Variants in PIK3C2B observed in about 807,000 individuals in gnomAD.
PIK3C2B encodes phosphatidylinositol 4-phosphate 3-kinase C2 domain-containing subunit beta.
In PIK3C2B, 83 loss-of-function variants were observed where a neutral mutation model predicts 184.3. The observed-to-expected ratio is 0.45, with a 90% confidence interval of 0.38 to 0.54. PIK3C2B has a LOEUF of 0.54. Among genes scored for constraint, PIK3C2B ranks in the 20% least tolerant of loss-of-function variants. The probability of loss-of-function intolerance (pLI) is 0.00; values close to 1 mark genes in which losing one functional copy is unlikely to be tolerated. For synonymous variants in PIK3C2B, 779 were observed against 837.6 expected, an observed-to-expected ratio of 0.93 and a Z score of 1.21; for missense variants, 1,736 against 2,113.5, an observed-to-expected ratio of 0.82 and a Z score of 3.50.
Position 204,432,195 on chromosome 1 carries a change from C to T in PIK3C2B, c.4155+5G>A, listed in dbSNP as rs1391803082. ...AAAGGGGGTCAGATTGGAGAAAACA[C>T]TTACATAGCCTTTGTTGGGGTGGAA... On this transcript the variant is annotated splice_donor_5th_base_variant and intron_variant, in intron 27 of 32. Coordinates refer to ENST00000684373, the MANE Select transcript of PIK3C2B (RefSeq NM_001377334.1). 2 of 1,612,896 alleles carry T rather than the reference C, an allele frequency of 1.2e-6. No homozygotes were observed. Among genetic ancestry groups the T allele is most frequent in the African/African-American group, 2.7e-5 (2 of 74,898 alleles).
rs1043683052 is a variant in PIK3C2B at position 204,445,825 on chromosome 1, A to G, written c.2678+131T>C. ...GAGAAAGAAAAAGCAAAAAGGAGAA[A>G]TGGAAAATCCCTGAATATCCACACC... On this transcript the variant is annotated intron_variant, in intron 16 of 32. Transcript: ENST00000684373. 19 of 552,898 alleles carry G rather than the reference A, an allele frequency of 3.4e-5. No individual in the cohort carries two copies. In the Middle Eastern group the frequency reaches 1.3e-3, roughly 37 times the overall value. The allele number at this position is 552,898 out of a possible 1,614,324, so 34.2% of individuals were successfully genotyped here.
chr1:204,440,765 T>TTATA (rs34842826), intron 21 of PIK3C2B, among the ~76,000 whole-genome samples: 2,086 of 140,018 alleles, frequency 0.015, 42 homozygotes, highest in African/African-American at 0.046. Context: ...CCCAGCTAAT[T>TTATA]TATATATATA....
At chr1:204,431,569 A>C in intron 28 of PIK3C2B, 100 bp downstream of exon 28, 1 of 1,443,810 alleles carries the variant, frequency 6.9e-7, no homozygotes, top group Non-Finnish European at 9.7e-7. Flanking sequence ...GTTTAGTCCA[A>C]AAGGGTATTT....
Position 204,444,376 on chromosome 1 carries a change from T to G in PIK3C2B, c.2727A>C (p.Ser909=), listed in dbSNP as rs557501759. 2.0e-5 allele frequency: 32 copies of G among 1,613,784 alleles called. No homozygotes were observed. The Admixed American group carries it at 2.0e-4, about 10-fold the overall frequency. ...VRRMAVQWIG[S]LSDAELLDYL... is the part of the protein sequence containing the mutation. ...AGTCTAGCAGCTCAGCATCTGAGAG[T>G]GAGCCAATCCACTGCACAGCCATAC... The change falls in exon 17 of 33, where the codon TCA becomes TCC. Residue 909 remains serine, a synonymous_variant. Transcript: ENST00000684373.
intron 1 of PIK3C2B, among the ~76,000 whole-genome samples, chr1:204,471,962 G>C (rs981085830): frequency 3.7e-4 from 13 of 34,814 alleles, no homozygotes; most frequent in African/African-American, 5.0e-4. Flanking sequence ...CCAAAATATT[G>C]ATTTTTTTTT....
rs2103459775 is a variant in PIK3C2B at position 204,424,316 on chromosome 1, A to G, written c.*536T>C. On this transcript the variant is annotated 3_prime_UTR_variant, in exon 33 of 33. Coordinates refer to ENST00000684373, the MANE Select transcript of PIK3C2B (RefSeq NM_001377334.1). ...CCCAGATAGTTCCTATAGCTAGAAA[A>G]CGAAACAACAACAACAATAACAAAA... The G allele has an allele frequency of 4.8e-6, 1 of 206,460 alleles. No individual in the cohort carries two copies. Among genetic ancestry groups the G allele is most frequent in the African/African-American group, 2.4e-5 (1 of 42,354 alleles). The allele number at this position is 206,460 out of a possible 1,614,324, so 12.8% of individuals were successfully genotyped here.
At chr1:204,465,953 G>A (rs1047401576) in intron 2 of PIK3C2B, among the ~76,000 whole-genome samples, 5 of 152,238 alleles carry the variant, frequency 3.3e-5, no homozygotes, top group African/African-American at 4.8e-5. Flanking sequence ...TCTGGCTTCC[G>A]AGTCAGCCGG....
rs1416774695 is a variant in PIK3C2B, at chr1:204,433,199, T to C, written c.3953+117A>G. 5 of 625,426 alleles carry C rather than the reference T, an allele frequency of 8.0e-6. No homozygotes were observed. The highest frequency in any genetic ancestry group is 1.4e-5 in the Non-Finnish European group (5 of 347,370). 38.7% of individuals were successfully genotyped at this position (625,426 alleles called of 1,614,324 possible). A position where few individuals can be genotyped will look rare whatever the true frequency, so the allele number is the denominator to read the frequency against. On this transcript the variant is annotated intron_variant, in intron 26 of 32. Transcript: ENST00000684373. The surrounding 1 kb of genome is among the most constrained non-coding windows in gnomAD (Gnocchi z 5.0). The stretch of plus-strand genomic sequence containing the variant: ...GACAATGTATCCACGTGGTCAGCTC[T>C]AGGCTCTAGCATCTGAGCTAAGCTT...
chr1:204,449,270 A>G lies in PIK3C2B; in HGVS notation c.2261T>C (p.Leu754Pro). The G allele has an allele frequency of 6.2e-7, 1 of 1,612,402 alleles. No homozygotes were observed. The highest frequency in any genetic ancestry group is 2.2e-5 in the East Asian group (1 of 44,858). The change falls in exon 14 of 33, where the codon CTG becomes CCG. Residue 754 changes from leucine to proline, a missense_variant. Physicochemically the swap from Leu to Pro is moderately conservative, Grantham distance 98. This residue lies in a region of PIK3C2B where 609 missense variants were observed against 699.2 expected (regional missense o/e 0.87). Coordinates refer to ENST00000684373, the MANE Select transcript of PIK3C2B (RefSeq NM_001377334.1). ...TTCCTGTGTTGCTGGCCACAAACCCAGAAGCTTCCGGCCACAGGTCAGGAC... is the reference window on the plus strand; with the variant it reads ...TTCCTGTGTTGCTGGCCACAAACCCGGAAGCTTCCGGCCACAGGTCAGGAC... ...RQVLTCGRKL[L>P]GLWPATQENP... is the part of the protein sequence containing the mutation.
At chr1:204,486,193 C>T (rs752345941) in intron 1 of PIK3C2B, among the ~76,000 whole-genome samples, 57 of 151,782 alleles carry the variant, frequency 3.8e-4, no homozygotes, top group Non-Finnish European at 6.5e-4. Flanking sequence ...GTCGGGAATT[C>T]CAGATCAGCC....
intron 1 of PIK3C2B, among the ~76,000 whole-genome samples, chr1:204,475,528 G>A (rs1656642715): frequency 1.3e-5 from 2 of 152,158 alleles, no homozygotes; most frequent in Admixed American, 1.3e-4. Flanking sequence ...TCAGGATGTA[G>A]GTGGTGTGCT....
intron 1 of PIK3C2B, among the ~76,000 whole-genome samples, chr1:204,485,661 C>T (rs1285835408): frequency 6.6e-6 from 1 of 151,752 alleles, no homozygotes; most frequent in African/African-American, 2.4e-5. Context: ...GCAACTTCCA[C>T]CTCCCAGGCC....
chr1:204,455,742 A>C, intron 11 of PIK3C2B, 114 bp downstream of exon 11: 1 of 845,862 alleles, frequency 1.2e-6, no homozygotes, highest in Non-Finnish European at 1.8e-6. Flanking sequence ...ACAATGTCAC[A>C]CAATGCCACA....
chr1:204,470,709 G>A (rs1267433613), intron 1 of PIK3C2B, among the ~76,000 whole-genome samples: 1 of 152,224 alleles, frequency 6.6e-6, no homozygotes, highest in Admixed American at 6.5e-5. Flanking sequence ...AATATCCACA[G>A]CAGCTTTATT....
chr1:204,466,660 G>C (rs894443854), intron 2 of PIK3C2B: 1 of 390,528 alleles, frequency 2.6e-6, no homozygotes, highest in Non-Finnish European at 5.1e-6. Flanking sequence ...GAGACAGTGG[G>C]GGGAGGGAAG....
intron 31 of PIK3C2B, among the ~76,000 whole-genome samples, chr1:204,426,786 C>T (rs1458621417): frequency 1.3e-5 from 2 of 152,184 alleles, no homozygotes; most frequent in African/African-American, 4.8e-5. Context: ...CCATATCCCA[C>T]TGCCCCAACC....
intron 8 of PIK3C2B, among the ~76,000 whole-genome samples, chr1:204,459,120 G>A (rs779372716): frequency 3.9e-5 from 6 of 152,056 alleles, no homozygotes; most frequent in Admixed American, 2.0e-4. Context: ...GGGCTCAAGC[G>A]ATCCTCCCAC....
chr1:204,449,073 T>C (rs1048075253), intron 14 of PIK3C2B, 112 bp downstream of exon 14: 3 of 753,228 alleles, frequency 4.0e-6, no homozygotes, highest in African/African-American at 1.7e-5. Flanking sequence ...CCTCCCATGC[T>C]TGAAGTTCTA....
At chr1:204,454,469 G>A (rs545042887) in intron 12 of PIK3C2B, 200 bp downstream of exon 12, 9 of 490,794 alleles carry the variant, frequency 1.8e-5, no homozygotes, top group South Asian at 1.4e-4. Context: ...GCAACAAAGC[G>A]AGGCTGCCTC....
Sources: allele counts gnomAD v4.1 joint callset (sites outside exome capture counted in the v4.1 genomes callset), GRCh38; gene constraint gnomAD v4.1.1; regional missense constraint gnomAD v4.1.1; non-coding constraint Gnocchi (gnomAD v3.1); transcripts MANE v1.5; gene names NCBI Gene and HGNC (gene_info 2026-07-23, HGNC 2026-07-21).